ALKBH1: variants seen among roughly 807,000 people sequenced by gnomAD.
ALKBH1 encodes nucleic acid dioxygenase ALKBH1.
In ALKBH1, 31 loss-of-function variants were observed where a neutral mutation model predicts 36.6. The observed-to-expected ratio is 0.85, with a 90% CI of 0.64 to 1.14. The LOEUF is 1.14. Among genes scored for constraint, ALKBH1 ranks in the 50% most tolerant of loss-of-function variants. The pLI, the probability that ALKBH1 is intolerant of heterozygous loss-of-function variation, is 0.00. For missense variants in ALKBH1, 490 were observed against 497.3 expected (o/e 0.99, Z 0.14); for synonymous variants, 183 against 186.6 (o/e 0.98, Z 0.16).
Position 77,673,604 on chromosome 14 carries a change from C to T in ALKBH1, c.*208G>A, listed in dbSNP as rs2080187881. Reference sequence around the variant, plus strand: ...AACATACATTACAGCCAACATGTAACTAGGAACAGACCATGTCAAACACTT... The same window carrying T: ...AACATACATTACAGCCAACATGTAATTAGGAACAGACCATGTCAAACACTT... On this transcript the variant is annotated 3_prime_UTR_variant, in exon 6 of 6. Coordinates refer to ENST00000216489, the MANE Select transcript of ALKBH1 (RefSeq NM_006020.3). The T allele has an allele frequency of 1.7e-6, 1 of 582,496 alleles. No individual in the cohort carries two copies. Among genetic ancestry groups the T allele is most frequent in the Non-Finnish European group, 3.0e-6 (1 of 328,652 alleles). The allele number at this position is 582,496 out of a possible 1,614,324, so 36.1% of individuals were successfully genotyped here. A position where few individuals can be genotyped will look rare whatever the true frequency, so the allele number is the denominator to read the frequency against.
chr14:77,689,295 A>G (rs1301581292), intron 3 of ALKBH1, among the ~76,000 whole-genome samples: 1 of 152,170 alleles, frequency 6.6e-6, no homozygotes, highest in African/African-American at 2.4e-5. Context: ...TCAAGTATAC[A>G]TGCTTTGGTA....
intron 2 of ALKBH1, among the ~76,000 whole-genome samples, chr14:77,703,565 G>A (rs2080371616): frequency 1.3e-5 from 2 of 149,100 alleles, no homozygotes; most frequent in Admixed American, 1.3e-4. Flanking sequence ...AAAGTGTTGG[G>A]ATTACAGGCG....
At chr14:77,680,535 C>T (rs17106157) in intron 3 of ALKBH1, among the ~76,000 whole-genome samples, 27,220 of 152,002 alleles carry the variant, frequency 0.18, 2,548 homozygotes, top group East Asian at 0.26. Context: ...ATAACTGAGG[C>T]TTAGCTAACA....
rs539543539 is a variant in ALKBH1 at position 77,699,024 on chromosome 14, C to T, written c.293-4124G>A. Reference sequence around the variant, plus strand: ...CTGGCCTCAACTGATCTGCCCGCCTCGGCCTCCCAAAGTGCTGGGATTACA... The same window carrying T: ...CTGGCCTCAACTGATCTGCCCGCCTTGGCCTCCCAAAGTGCTGGGATTACA... On this transcript the variant is annotated intron_variant, in intron 2 of 5. Transcript: ENST00000216489. Among the ~76,000 whole-genome samples, 49 of 152,352 alleles carry T rather than the reference C, an allele frequency of 3.2e-4. 1 individual carries two copies. The highest frequency in any genetic ancestry group is 1.9e-3 in the East Asian group (10 of 5,190).
intron 4 of ALKBH1, among the ~76,000 whole-genome samples, chr14:77,678,769 T>C (rs764583476): frequency 1.8e-4 from 27 of 152,180 alleles, no homozygotes; most frequent in African/African-American, 2.9e-4. Context: ...CTGTCAACTG[T>C]AGGAAATTCT....
intron 4 of ALKBH1, 109 bp downstream of exon 4, chr14:77,679,771 C>T (rs2080226640): frequency 1.3e-5 from 11 of 843,530 alleles, no homozygotes; most frequent in Non-Finnish European, 2.1e-5. Flanking sequence ...AGGGATCCTC[C>T]CACAAATGTA....
chr14:77,698,421 G>C (rs539679348), intron 2 of ALKBH1, among the ~76,000 whole-genome samples: 1 of 152,296 alleles, frequency 6.6e-6, no homozygotes, highest in African/African-American at 2.4e-5. Context: ...AAGGCTCAAA[G>C]GGTTTGTGCC....
At chr14:77,686,854 C>T (rs941810356) in intron 3 of ALKBH1, among the ~76,000 whole-genome samples, 1 of 152,150 alleles carries the variant, frequency 6.6e-6, no homozygotes, top group African/African-American at 2.4e-5. Context: ...GATTTCTTGA[C>T]CTTGTGATCC....
intron 4 of ALKBH1, 123 bp from the exon 5 acceptor site, chr14:77,675,972 G>A (rs1326462795): frequency 6.6e-6 from 5 of 758,898 alleles, no homozygotes; most frequent in South Asian, 2.0e-5. Context: ...TATTAACACA[G>A]CATTATCTAT....
chr14:77,680,678 T>TC lies in ALKBH1; in HGVS notation c.456-709_456-708insG, dbSNP rs377359190. Among the ~76,000 whole-genome samples the TC allele has an allele frequency of 6.4e-3, 298 of 46,436 alleles. 21 individuals carry two copies. Among genetic ancestry groups the TC allele is most frequent in the Middle Eastern group, 0.011 (1 of 92 alleles). 30.5% of individuals were successfully genotyped at this position (46,436 alleles called of 152,430 possible). ...ATCAAATCTATGTGATTAACTACTC[T>TC]TTTTTTTTTTTTTTTTTTGAGACAG... On this transcript the variant is annotated intron_variant, in intron 3 of 5. Coordinates refer to ENST00000216489, the MANE Select transcript of ALKBH1 (RefSeq NM_006020.3).
At chr14:77,697,077 T>C (rs1396809240) in intron 2 of ALKBH1, 2 of 188,640 alleles carry the variant, frequency 1.1e-5, no homozygotes, top group Non-Finnish European at 2.3e-5. Context: ...AAGCTTGTAC[T>C]GGTTTGCAAT....
chr14:77,688,457 T>A (rs1488616640), intron 3 of ALKBH1, among the ~76,000 whole-genome samples: 1 of 152,030 alleles, frequency 6.6e-6, no homozygotes, highest in African/African-American at 2.4e-5. Flanking sequence ...AGTTTCACCA[T>A]GTTGGCCAGG....
At chr14:77,699,722 AG>A (rs1227216366) in intron 2 of ALKBH1, among the ~76,000 whole-genome samples, 1 of 152,182 alleles carries the variant, frequency 6.6e-6, no homozygotes, top group Non-Finnish European at 1.5e-5. Flanking sequence ...AAAACCAGTA[AG>A]CCCACATAAG....
chr14:77,688,172 T>A (rs2080278379), intron 3 of ALKBH1, among the ~76,000 whole-genome samples: 1 of 152,196 alleles, frequency 6.6e-6, no homozygotes, highest in Non-Finnish European at 1.5e-5. Context: ...TTTTTATAAT[T>A]GCTTGGTAAC....
intron 4 of ALKBH1, among the ~76,000 whole-genome samples, chr14:77,676,726 T>C (rs73305437): frequency 3.3e-5 from 5 of 152,334 alleles, no homozygotes; most frequent in African/African-American, 1.2e-4. Flanking sequence ...TGTACTATCT[T>C]CTCAACTTTT....
chr14:77,691,056 C>T (rs2080294535), intron 3 of ALKBH1, among the ~76,000 whole-genome samples: 1 of 152,168 alleles, frequency 6.6e-6, no homozygotes, highest in South Asian at 2.1e-4. Flanking sequence ...CCAACTCGGC[C>T]TCCCAAAGTG....
At chr14:77,681,134 G>GA (rs1353481806) in intron 3 of ALKBH1, among the ~76,000 whole-genome samples, 3 of 151,904 alleles carry the variant, frequency 2.0e-5, no homozygotes, top group East Asian at 1.9e-4. Context: ...GTGTAAAAAA[G>GA]AAAAAATCAG....
chr14:77,684,368 CT>C (rs56038207), intron 3 of ALKBH1, among the ~76,000 whole-genome samples: 56,054 of 148,738 alleles, frequency 0.38, 11,212 homozygotes, highest in East Asian at 0.51. Flanking sequence ...TATTCTTTTT[CT>C]TTTTTTTTTT....
rs2080181427 is a variant in ALKBH1 at position 77,672,534 on chromosome 14, A to G, written c.*1278T>C. Reference sequence around the variant, plus strand: ...GAGACATGTAAACTTAATAACATGCATTGCAAACAGTAGGTACCAAATGGG... The same window carrying G: ...GAGACATGTAAACTTAATAACATGCGTTGCAAACAGTAGGTACCAAATGGG... On this transcript the variant is annotated 3_prime_UTR_variant, in exon 6 of 6. Transcript: ENST00000216489. The G allele has an allele frequency of 6.6e-6, 1 of 152,250 alleles. No homozygotes were observed. Among genetic ancestry groups the G allele is most frequent in the Non-Finnish European group, 1.5e-5 (1 of 68,054 alleles). 9.4% of individuals were successfully genotyped at this position (152,250 alleles called of 1,614,324 possible).
Sources: gnomAD v4.1 joint callset for allele counts (sites outside exome capture counted in the v4.1 genomes callset) on GRCh38, gnomAD v4.1.1 for gene constraint, MANE v1.5 for transcripts, NCBI Gene and HGNC (gene_info 2026-07-23, HGNC 2026-07-21) for gene names.